CERS6: variants seen among roughly 807,000 people sequenced by gnomAD.
CERS6 encodes the protein ceramide synthase 6.
A neutral mutation model predicts 56.8 loss-of-function variants in CERS6; 26 were observed. That is an observed-to-expected ratio of 0.46 (90% confidence interval 0.34 to 0.63). CERS6 has a LOEUF of 0.63. Among genes scored for constraint, CERS6 ranks in the 30% least tolerant of loss-of-function variants. CERS6 has a pLI of 0.01. For synonymous variants in CERS6, 164 were observed against 173.3 expected (o/e 0.95, Z 0.42); for missense variants, 415 against 467.5 (o/e 0.89, Z 1.04).
At chr2:168,516,906 T>G (rs1361719249) in intron 1 of CERS6, among the ~76,000 whole-genome samples, 1 of 152,144 alleles carries the variant, frequency 6.6e-6, no homozygotes, top group Non-Finnish European at 1.5e-5. Flanking sequence ...TTTTGCACTC[T>G]TGATCACAAG....
At chr2:168,613,419 T>G (rs1051353449) in intron 3 of CERS6, among the ~76,000 whole-genome samples, 1 of 152,102 alleles carries the variant, frequency 6.6e-6, no homozygotes, top group Non-Finnish European at 1.5e-5. Context: ...GGGTGGTCTG[T>G]GCACAAGGCA....
chr2:168,774,561 T>C lies in CERS6; in HGVS notation c.*4899T>C, dbSNP rs1039882831. On this transcript the variant is annotated 3_prime_UTR_variant, in exon 10 of 10. Transcript: ENST00000305747. ...GTGTTCAGTGAAAAATTCTATTTCA[T>C]TGAGACAATTTTTTCTTTATCCACA... 5.3e-5 allele frequency: 8 copies of C among 152,152 alleles called. No individual in the cohort carries two copies. The highest frequency in any genetic ancestry group is 7.3e-5 in the Non-Finnish European group (5 of 68,028). The allele number at this position is 152,152 out of a possible 1,614,324, so 9.4% of individuals were successfully genotyped here. A position where few individuals can be genotyped will look rare whatever the true frequency, so the allele number is the denominator to read the frequency against.
At position 168,657,785 on chromosome 2, in the gene CERS6, C is replaced by T. The variant is rs566780340; in HGVS notation, c.465+26743C>T. Among the ~76,000 whole-genome samples, 12 of 152,354 alleles carry T rather than the reference C, an allele frequency of 7.9e-5. No homozygotes were observed. In the East Asian group the frequency reaches 1.2e-3, roughly 15 times the overall value. On this transcript the variant is annotated intron_variant, in intron 4 of 9. Coordinates refer to ENST00000305747, the MANE Select transcript of CERS6 (RefSeq NM_203463.3). ...CCCGGAACTCCAGCTGGCCCGCAAGCGCCGCACGCAGCCCCGGTTCCCGCT... is the reference window on the plus strand; with the variant it reads ...CCCGGAACTCCAGCTGGCCCGCAAGTGCCGCACGCAGCCCCGGTTCCCGCT...
At chr2:168,687,591 G>A (rs1686384935) in intron 4 of CERS6, among the ~76,000 whole-genome samples, 1 of 152,142 alleles carries the variant, frequency 6.6e-6, no homozygotes, top group Non-Finnish European at 1.5e-5. Context: ...TTACAATGTT[G>A]TCAGAATTAA....
chr2:168,568,882 C>T (rs1040960936), intron 3 of CERS6, among the ~76,000 whole-genome samples: 3 of 152,204 alleles, frequency 2.0e-5, no homozygotes, highest in African/African-American at 7.2e-5. Flanking sequence ...AGGGACACAA[C>T]ACTCAGAAAT....
At chr2:168,491,372 A>T (rs1248403619) in intron 1 of CERS6, among the ~76,000 whole-genome samples, 2 of 152,238 alleles carry the variant, frequency 1.3e-5, no homozygotes, top group Non-Finnish European at 2.9e-5. Context: ...TTTCCAAGTG[A>T]CAGTCTTGGC....
rs188234849 is a variant in CERS6, at chr2:168,515,153, T to G, written c.171-32443T>G. ...AATTGTTACTGCCATGAACATGGAC[T>G]CATGTAATTATTTTACTGAATAGTT... On this transcript the variant is annotated intron_variant, in intron 1 of 9. Coordinates refer to ENST00000305747, the MANE Select transcript of CERS6 (RefSeq NM_203463.3). 5.3e-4 allele frequency among the ~76,000 whole-genome samples: 80 copies of G among 152,364 alleles called. No individual in the cohort carries two copies. The Middle Eastern group carries it at 0.01, about 19-fold the overall frequency.
At position 168,586,332 on chromosome 2, in the gene CERS6, T is replaced by C. The variant is rs145894526; in HGVS notation, c.407+25010T>C. Among the ~76,000 whole-genome samples, 675 of 152,332 alleles carry C rather than the reference T, an allele frequency of 4.4e-3. 7 individuals are homozygous for C. The highest frequency in any genetic ancestry group is 0.015 in the African/African-American group (629 of 41,586). ...CAGTACTAAAACAACGTTTCTTTCCTTTGCCCATTATAAAACACCCTTTGA... is the reference window on the plus strand; with the variant it reads ...CAGTACTAAAACAACGTTTCTTTCCCTTGCCCATTATAAAACACCCTTTGA... On this transcript the variant is annotated intron_variant, in intron 3 of 9. Coordinates refer to ENST00000305747, the MANE Select transcript of CERS6 (RefSeq NM_203463.3).
intron 3 of CERS6, among the ~76,000 whole-genome samples, chr2:168,584,772 C>G (rs1683501453): frequency 6.6e-6 from 1 of 152,158 alleles, no homozygotes; most frequent in Non-Finnish European, 1.5e-5. Context: ...TTTTTTAACT[C>G]TAGACATCAA....
chr2:168,711,817 T>C (rs534613819), intron 6 of CERS6, among the ~76,000 whole-genome samples: 1 of 152,142 alleles, frequency 6.6e-6, no homozygotes, highest in East Asian at 1.9e-4. Flanking sequence ...AAATTGGCTG[T>C]TATGAAATAG....
intron 8 of CERS6, among the ~76,000 whole-genome samples, chr2:168,748,247 A>G (rs997646570): frequency 6.6e-6 from 1 of 152,196 alleles, no homozygotes; most frequent in Admixed American, 6.5e-5. Flanking sequence ...TCTTACCTTC[A>G]GCTTGTTGAC....
At chr2:168,587,330 T>C (rs969041939) in intron 3 of CERS6, among the ~76,000 whole-genome samples, 1 of 152,222 alleles carries the variant, frequency 6.6e-6, no homozygotes, top group African/African-American at 2.4e-5. Flanking sequence ...GTGTTACAAA[T>C]GACCAGGGCT....
chr2:168,646,464 A>C (rs573831156), intron 4 of CERS6, among the ~76,000 whole-genome samples: 1 of 152,124 alleles, frequency 6.6e-6, no homozygotes, highest in African/African-American at 2.4e-5. Context: ...ATAGTTTGCA[A>C]ATATTTTCTC....
At chr2:168,552,526 G>A (rs1695594884) in intron 2 of CERS6, among the ~76,000 whole-genome samples, 1 of 152,122 alleles carries the variant, frequency 6.6e-6, no homozygotes, top group African/African-American at 2.4e-5. Context: ...CCAAGTATGA[G>A]GAAGTGAAAA....
chr2:168,663,823 A>G (rs1014567208), intron 4 of CERS6, among the ~76,000 whole-genome samples: 1 of 152,078 alleles, frequency 6.6e-6, no homozygotes, highest in Non-Finnish European at 1.5e-5. Context: ...GGAATTGGTT[A>G]TGGGTGATTT....
intron 2 of CERS6, among the ~76,000 whole-genome samples, chr2:168,554,917 A>G (rs1331981059): frequency 6.6e-6 from 1 of 152,204 alleles, no homozygotes; most frequent in East Asian, 1.9e-4. Context: ...TATGTATTAA[A>G]TATTAGTGTG....
intron 8 of CERS6, among the ~76,000 whole-genome samples, chr2:168,751,605 C>T (rs769571500): frequency 4.1e-4 from 62 of 152,132 alleles, no homozygotes; most frequent in Non-Finnish European, 6.2e-4. Flanking sequence ...ACTGCAGTGG[C>T]CTCTATGCAG....
chr2:168,636,047 A>G (rs899086151), intron 4 of CERS6, among the ~76,000 whole-genome samples: 5 of 152,144 alleles, frequency 3.3e-5, no homozygotes, highest in Non-Finnish European at 7.4e-5. Context: ...AAAATCTTAA[A>G]ATTGCTTGGA....
chr2:168,499,787 C>G (rs1205655130), intron 1 of CERS6, among the ~76,000 whole-genome samples: 2 of 152,116 alleles, frequency 1.3e-5, no homozygotes, highest in African/African-American at 4.8e-5. Context: ...CAATAGATTT[C>G]TTATCATGTC....
Sources: allele counts gnomAD v4.1 joint callset (sites outside exome capture counted in the v4.1 genomes callset), GRCh38; gene constraint gnomAD v4.1.1; transcripts MANE v1.5; gene names NCBI Gene and HGNC (gene_info 2026-07-23, HGNC 2026-07-21).